HDAC9: variants seen among roughly 807,000 people sequenced by gnomAD.
HDAC9 encodes the protein MEF-2 interacting transcription repressor (MITR) protein.
In HDAC9, 41 loss-of-function variants were observed where a neutral mutation model predicts 139.4. The ratio of observed to expected loss-of-function variants is 0.29; its 90% CI spans 0.23 to 0.38. HDAC9 has a LOEUF of 0.38. Ranked by LOEUF, HDAC9 falls within the 10% of genes least tolerant of loss-of-function variation. HDAC9 has a pLI of 1.00. For missense variants in HDAC9, 1,147 were observed against 1,297.0 expected (o/e 0.88, Z 1.78); for synonymous variants, 517 against 476.2 (o/e 1.09, Z -1.12).
intron 5 of HDAC9, among the ~76,000 whole-genome samples, chr7:18,593,431 C>T (rs761180295): frequency 3.3e-5 from 5 of 152,002 alleles, no homozygotes; most frequent in African/African-American, 7.2e-5. Context: ...GATGGGAGTC[C>T]GTTGGCACAA....
intron 2 of HDAC9, among the ~76,000 whole-genome samples, chr7:18,500,129 T>A (rs899781503): frequency 6.6e-6 from 1 of 152,142 alleles, no homozygotes. Context: ...CAAGAATGAG[T>A]ATTTCATATT....
intron 1 of HDAC9, among the ~76,000 whole-genome samples, chr7:18,093,837 C>A (rs1357545347): frequency 2.0e-5 from 3 of 152,136 alleles, no homozygotes; most frequent in East Asian, 3.9e-4. Flanking sequence ...GAAATCTATT[C>A]ATAGATATTC....
At chr7:18,642,884 T>C (rs1786150454) in intron 8 of HDAC9, among the ~76,000 whole-genome samples, 1 of 152,120 alleles carries the variant, frequency 6.6e-6, no homozygotes, top group South Asian at 2.1e-4. Context: ...ATGGTATTTT[T>C]TGTGCCATTC....
chr7:18,382,412 A>G (rs890078001), intron 1 of HDAC9, among the ~76,000 whole-genome samples: 2 of 152,262 alleles, frequency 1.3e-5, no homozygotes, highest in Non-Finnish European at 1.5e-5. Flanking sequence ...TCTTAGAAAT[A>G]TGAAGGGAAT....
chr7:18,749,958 C>G (rs1028977369), intron 14 of HDAC9, among the ~76,000 whole-genome samples: 2 of 152,132 alleles, frequency 1.3e-5, no homozygotes, highest in Non-Finnish European at 2.9e-5. Flanking sequence ...CTGTTAGGTT[C>G]TAAACATGAT....
chr7:18,960,325 T>C (rs1020407309), intron 24 of HDAC9, among the ~76,000 whole-genome samples: 3 of 152,064 alleles, frequency 2.0e-5, no homozygotes, highest in Non-Finnish European at 4.4e-5. Context: ...CTGTGCTTGA[T>C]TTATGTTTTG....
At chr7:18,807,785 G>A (rs921701336) in intron 17 of HDAC9, among the ~76,000 whole-genome samples, 1 of 152,104 alleles carries the variant, frequency 6.6e-6, no homozygotes, top group African/African-American at 2.4e-5. Flanking sequence ...GGTCAGAAAA[G>A]ATACTTGGTG....
intron 1 of HDAC9, among the ~76,000 whole-genome samples, chr7:18,356,944 A>C (rs2128682668): frequency 6.6e-6 from 1 of 152,308 alleles, no homozygotes; most frequent in African/African-American, 2.4e-5. Flanking sequence ...TAGTTTATGT[A>C]CAGTAGAAGC....
chr7:18,244,672 C>T (rs553063355), intron 2 of HDAC9, among the ~76,000 whole-genome samples: 89 of 152,208 alleles, frequency 5.8e-4, no homozygotes, highest in African/African-American at 2.1e-3. Context: ...GTGGCGGGCG[C>T]CTGTAGTCCC....
At chr7:18,224,864 G>T (rs1792948186) in intron 2 of HDAC9, among the ~76,000 whole-genome samples, 1 of 152,066 alleles carries the variant, frequency 6.6e-6, no homozygotes, top group Non-Finnish European at 1.5e-5. Flanking sequence ...AGAACATGAA[G>T]AACATTGAAC....
At chr7:18,368,002 C>CT (rs1218669108) in intron 1 of HDAC9, among the ~76,000 whole-genome samples, 1 of 152,042 alleles carries the variant, frequency 6.6e-6, no homozygotes, top group Non-Finnish European at 1.5e-5. Context: ...GCTTTGTCTA[C>CT]TTTCTTTTGA....
intron 11 of HDAC9, among the ~76,000 whole-genome samples, chr7:18,656,633 A>T (rs1319621610): frequency 6.6e-6 from 1 of 152,158 alleles, no homozygotes; most frequent in Non-Finnish European, 1.5e-5. Context: ...TGAGGATTAC[A>T]TGAGAGAACA....
chr7:18,233,640 T>C (rs541366120), intron 2 of HDAC9, among the ~76,000 whole-genome samples: 81 of 152,264 alleles, frequency 5.3e-4, no homozygotes, highest in Middle Eastern at 3.4e-3. Context: ...TAAAGTAAAA[T>C]TGCTTTGGCA....
Position 18,940,611 on chromosome 7 carries a change from C to A in HDAC9, c.2937+4669C>A, listed in dbSNP as rs543979398. 2.6e-5 allele frequency among the ~76,000 whole-genome samples: 4 copies of A among 152,252 alleles called. No homozygotes were observed. In the East Asian group the frequency reaches 7.7e-4, roughly 29 times the overall value. On this transcript the variant is annotated intron_variant, in intron 23 of 25. Coordinates refer to ENST00000686413, the MANE Select transcript of HDAC9 (RefSeq NM_178425.4). ...GTTGCTTGGAAAGGCATTAGGGATA[C>A]TTGTGTCAATAACCACATAGTTTTT...
intron 2 of HDAC9, among the ~76,000 whole-genome samples, chr7:18,280,438 A>T (rs565223120): frequency 7.0e-4 from 106 of 152,188 alleles, no homozygotes; most frequent in Middle Eastern, 3.4e-3. Context: ...AAATACAAAA[A>T]TTAGCTGGGC....
chr7:18,310,809 TACAC>T (rs71847714), intron 1 of HDAC9, among the ~76,000 whole-genome samples: 14,309 of 143,078 alleles, frequency 0.1, 738 homozygotes, highest in Admixed American at 0.13. Context: ...ACAAATCCAT[TACAC>T]ACACACACAC....
At chr7:18,162,326 T>C in exon 2 of HDAC9, 3 of 1,535,348 alleles carry the variant, frequency 2.0e-6, no homozygotes, top group Non-Finnish European at 2.6e-6. Context: ...CTGATTCTCA[T>C]GATGAGCTCA....
chr7:18,319,603 T>G (rs1443849720), intron 1 of HDAC9, among the ~76,000 whole-genome samples: 1 of 152,228 alleles, frequency 6.6e-6, no homozygotes, highest in African/African-American at 2.4e-5. Flanking sequence ...TTTACTTTCT[T>G]TTTTGACTTT....
chr7:18,511,298 C>T (rs1172929893), intron 2 of HDAC9, among the ~76,000 whole-genome samples: 2 of 152,198 alleles, frequency 1.3e-5, no homozygotes, highest in Admixed American at 6.5e-5. Flanking sequence ...AATGGACATT[C>T]TTCCACATCC....
Sources: gnomAD v4.1 joint callset for allele counts (sites outside exome capture counted in the v4.1 genomes callset) on GRCh38, gnomAD v4.1.1 for gene constraint, MANE v1.5 for transcripts, NCBI Gene and HGNC (gene_info 2026-07-23, HGNC 2026-07-21) for gene names.